The following TRAF2 variants were observed in gnomAD, a reference collection of about 807,000 sequenced individuals.
TRAF2 encodes the protein TNF receptor-associated factor 2.
TRAF2 carries 6 observed loss-of-function variants against 55.6 expected under a neutral mutation model. That is an observed-to-expected ratio of 0.11 (90% confidence interval 0.06 to 0.21). The LOEUF is 0.21. Ranked by LOEUF, TRAF2 falls within the 10% of genes least tolerant of loss-of-function variation. The probability of loss-of-function intolerance (pLI) is 1.00; values close to 1 mark genes in which losing one functional copy is unlikely to be tolerated. For missense variants in TRAF2, 561 were observed against 684.5 expected, an observed-to-expected ratio of 0.82 and a Z score of 2.01; for synonymous variants, 329 against 276.3, an observed-to-expected ratio of 1.19 and a Z score of -1.89.
At chr9:136,913,747 C>T (rs1006007812) in intron 6 of TRAF2, among the ~76,000 whole-genome samples, 1 of 152,000 alleles carries the variant, frequency 6.6e-6, no homozygotes, top group African/African-American at 2.4e-5. Context: ...AACTATTGGC[C>T]TGCTGTCTTA....
chr9:136,924,174 G>A lies in TRAF2; in HGVS notation c.1287+174G>A, dbSNP rs185434575. On this transcript the variant is annotated intron_variant, in intron 10 of 10. Transcript: ENST00000247668. ...TGTCACGCGGTGGAGAGCTCTGGCA[G>A]TTTGTTGTTTCCATGATTTCTGAGC... Among the ~76,000 whole-genome samples, 8 of 152,324 alleles carry A rather than the reference G, an allele frequency of 5.3e-5. No individual in the cohort carries two copies. In the East Asian group the frequency reaches 1.3e-3, roughly 26 times the overall value.
chr9:136,921,325 A>T, intron 9 of TRAF2, 110 bp downstream of exon 9: 1 of 1,356,664 alleles, frequency 7.4e-7, no homozygotes, highest in South Asian at 1.3e-5. Flanking sequence ...CTGGGATACG[A>T]CCCCCAGTGA....
intron 4 of TRAF2, among the ~76,000 whole-genome samples, chr9:136,904,955 G>C (rs1849912405): frequency 6.6e-6 from 1 of 152,216 alleles, no homozygotes; most frequent in African/African-American, 2.4e-5. Flanking sequence ...GGAGGTCTTG[G>C]AGGGCTGGGC....
At chr9:136,922,734 C>T (rs1429326499) in intron 9 of TRAF2, among the ~76,000 whole-genome samples, 9 of 45,668 alleles carry the variant, frequency 2.0e-4, no homozygotes, top group Non-Finnish European at 3.1e-4. Context: ...AGGACGGGGA[C>T]GGGGAGGATG....
intron 1 of TRAF2, among the ~76,000 whole-genome samples, chr9:136,893,051 T>C (rs966390697): frequency 1.4e-4 from 21 of 152,174 alleles, no homozygotes; most frequent in Non-Finnish European, 2.9e-4. Context: ...TCATGATGAA[T>C]GTGCGCTGAG....
chr9:136,910,558 A>T (rs1850079465), intron 6 of TRAF2, among the ~76,000 whole-genome samples: 1 of 152,348 alleles, frequency 6.6e-6, no homozygotes, highest in South Asian at 2.1e-4. Context: ...ACATTTTCCC[A>T]AACTGCCTCC....
intron 1 of TRAF2, among the ~76,000 whole-genome samples, chr9:136,891,762 C>T (rs1293124628): frequency 6.6e-6 from 1 of 151,020 alleles, no homozygotes; most frequent in African/African-American, 2.4e-5. Flanking sequence ...GCTCTTTGTG[C>T]CCAAGCTGGA....
At chr9:136,897,356 TTGG>T (rs1404261368) in intron 1 of TRAF2, among the ~76,000 whole-genome samples, 1 of 152,180 alleles carries the variant, frequency 6.6e-6, no homozygotes, top group Non-Finnish European at 1.5e-5. Context: ...TGTGGCTGCC[TTGG>T]TGGGGCTTAC....
In TRAF2 at chr9:136,926,416, A is replaced by C; in HGVS notation, c.*515A>C. 1 of 300,562 alleles carries C rather than the reference A, an allele frequency of 3.3e-6. No homozygotes were observed. Among genetic ancestry groups the C allele is most frequent in the Non-Finnish European group, 6.6e-6 (1 of 150,572 alleles). 18.6% of individuals were successfully genotyped at this position (300,562 alleles called of 1,614,324 possible). On this transcript the variant is annotated 3_prime_UTR_variant, in exon 11 of 11. Coordinates refer to ENST00000247668, the MANE Select transcript of TRAF2 (RefSeq NM_021138.4). ...CCTGGAGAGAAGGGAGCATTCCTAG[A>C]CCCCTGGGTGCTTGTCTGCACAGAG...
At chr9:136,895,162 C>T (rs946695371) in intron 1 of TRAF2, among the ~76,000 whole-genome samples, 1 of 152,194 alleles carries the variant, frequency 6.6e-6, no homozygotes, top group African/African-American at 2.4e-5. Context: ...GGTCCTGGGC[C>T]TGCTGGGAGA....
rs867000044 is a variant in TRAF2, at chr9:136,920,454, C to T, written c.899C>T (p.Ala300Val). Residue 300 changes from alanine to valine, a missense_variant, in exon 8 of 11, where the codon GCC becomes GTC. This residue lies in a region of TRAF2 where 426 missense variants were observed against 476.8 expected (regional missense o/e 0.89). Transcript: ENST00000247668. ...NREVERVAMT[A>V]EACSRQHRLD... Reference sequence around the variant, plus strand: ...GAGGTGGAGAGGGTGGCCATGACTGCCGAGGCCTGCAGCCGGCAGCACCGG... The same window carrying T: ...GAGGTGGAGAGGGTGGCCATGACTGTCGAGGCCTGCAGCCGGCAGCACCGG... 6 of 1,613,626 alleles carry T rather than the reference C, an allele frequency of 3.7e-6. No homozygotes were observed. Among genetic ancestry groups the T allele is most frequent in the Middle Eastern group, 1.7e-4 (1 of 6,058 alleles).
intron 4 of TRAF2, among the ~76,000 whole-genome samples, chr9:136,904,741 T>C (rs1378795785): frequency 6.6e-6 from 1 of 152,250 alleles, no homozygotes; most frequent in African/African-American, 2.4e-5. Context: ...TCTAAGAACA[T>C]TGACTATTTG....
rs182945563 is a variant in TRAF2 at position 136,916,446 on chromosome 9, C to T, written c.604-95C>T. 11 of 1,303,818 alleles carry T rather than the reference C, an allele frequency of 8.4e-6. No individual in the cohort carries two copies. The African/African-American group carries it at 1.6e-4, about 19-fold the overall frequency. 80.8% of individuals were successfully genotyped at this position (1,303,818 alleles called of 1,614,324 possible). Reference sequence around the variant, plus strand: ...GAGTGAAGAGGCCAACGGGGCAGGTCATGTAACCTCTGTGTCAGTCAGTGT... The same window carrying T: ...GAGTGAAGAGGCCAACGGGGCAGGTTATGTAACCTCTGTGTCAGTCAGTGT... On this transcript the variant is annotated intron_variant, in intron 6 of 10. Coordinates refer to ENST00000247668, the MANE Select transcript of TRAF2 (RefSeq NM_021138.4).
chr9:136,898,600 G>A, intron 1 of TRAF2, 113 bp from the exon 2 acceptor site: 1 of 1,492,848 alleles, frequency 6.7e-7, no homozygotes, highest in Admixed American at 2.1e-5. Context: ...TTGACCGCAG[G>A]TCAGTGGGGA....
intron 4 of TRAF2, among the ~76,000 whole-genome samples, chr9:136,903,759 G>C (rs766948164): frequency 5.3e-5 from 8 of 152,072 alleles, no homozygotes; most frequent in Admixed American, 5.2e-4. Flanking sequence ...TCGGCTCACT[G>C]CAAGCTCCGC....
intron 6 of TRAF2, among the ~76,000 whole-genome samples, chr9:136,911,390 G>C (rs567960754): frequency 6.6e-6 from 1 of 150,962 alleles, no homozygotes; most frequent in African/African-American, 2.4e-5. Context: ...TCAGCTTCCC[G>C]AGTAGCTGGG....
chr9:136,899,999 C>G (rs1427136367), intron 3 of TRAF2, among the ~76,000 whole-genome samples: 4 of 152,170 alleles, frequency 2.6e-5, no homozygotes, highest in Non-Finnish European at 4.4e-5. Context: ...AACCCCATCT[C>G]TACCAGAAAT....
intron 1 of TRAF2, among the ~76,000 whole-genome samples, chr9:136,894,086 G>A (rs1350838378): frequency 2.6e-5 from 3 of 113,446 alleles, no homozygotes; most frequent in Admixed American, 1.2e-4. Context: ...TTGCCTCATC[G>A]CCCAGGCTGG....
intron 7 of TRAF2, among the ~76,000 whole-genome samples, chr9:136,917,914 T>C (rs1341298914): frequency 2.6e-5 from 4 of 152,078 alleles, no homozygotes; most frequent in Non-Finnish European, 5.9e-5. Flanking sequence ...CCGTGCTCCT[T>C]GTTTCTGGGC....
Sources: gnomAD v4.1 joint callset for allele counts (sites outside exome capture counted in the v4.1 genomes callset) on GRCh38, gnomAD v4.1.1 for gene constraint, gnomAD v4.1.1 regional missense constraint, MANE v1.5 for transcripts, NCBI Gene and HGNC (gene_info 2026-07-23, HGNC 2026-07-21) for gene names.